Variants in EPHA5 observed in about 807,000 individuals in gnomAD.
The protein encoded by EPHA5 is ephrin type-A receptor 5.
Under a neutral mutation model 105.0 loss-of-function variants are expected in EPHA5, and 60 were observed. That is an observed-to-expected ratio of 0.57 (90% CI 0.46 to 0.71). EPHA5 has a LOEUF of 0.71. Ranked by LOEUF, EPHA5 falls within the 30% of genes least tolerant of loss-of-function variation. The pLI, the probability that EPHA5 is intolerant of heterozygous loss-of-function variation, is 0.00. For missense variants in EPHA5, 1,218 were observed against 1,274.7 expected, an observed-to-expected ratio of 0.96 and a Z score of 0.68; for synonymous variants, 513 against 449.1, an observed-to-expected ratio of 1.14 and a Z score of -1.80.
intron 5 of EPHA5, among the ~76,000 whole-genome samples, chr4:65,456,374 T>C (rs979446969): frequency 6.6e-6 from 1 of 152,144 alleles, no homozygotes; most frequent in African/African-American, 2.4e-5. Flanking sequence ...TAGTATAATC[T>C]GCCATATTCT....
At chr4:65,369,782 C>T (rs1577938624) in intron 8 of EPHA5, among the ~76,000 whole-genome samples, 1 of 152,140 alleles carries the variant, frequency 6.6e-6, no homozygotes, top group Non-Finnish European at 1.5e-5. Flanking sequence ...GCCTGGCCAA[C>T]ACAGTGAAAC....
chr4:65,613,148 A>G (rs956007306), intron 2 of EPHA5, among the ~76,000 whole-genome samples: 1 of 151,936 alleles, frequency 6.6e-6, no homozygotes, highest in Non-Finnish European at 1.5e-5. Flanking sequence ...ATCTCGGTAT[A>G]TGTTTTCATC....
rs138788749 is a variant in EPHA5 at position 65,622,049 on chromosome 4, G to A, written c.247-19745C>T. Among the ~76,000 whole-genome samples the A allele has an allele frequency of 2.4e-3, 361 of 152,166 alleles. 2 individuals are homozygous for A. The highest frequency in any genetic ancestry group is 8.1e-3 in the African/African-American group (336 of 41,548). On this transcript the variant is annotated intron_variant, in intron 2 of 16. Coordinates refer to ENST00000613740, the MANE Select transcript of EPHA5 (RefSeq NM_001281766.3). ...GTTTAAGTAGTATGATTAAAACTTC[G>A]AAGAGTATTTTAAGTTTAAAATTAT...
intron 2 of EPHA5, among the ~76,000 whole-genome samples, chr4:65,607,726 T>A (rs1744374065): frequency 6.6e-6 from 1 of 152,194 alleles, no homozygotes; most frequent in Non-Finnish European, 1.5e-5. Context: ...ACTTTTACAC[T>A]GTTGGTGGGA....
At chr4:65,448,098 A>C (rs1726728212) in intron 5 of EPHA5, among the ~76,000 whole-genome samples, 1 of 148,466 alleles carries the variant, frequency 6.7e-6, no homozygotes, top group African/African-American at 2.4e-5. Flanking sequence ...AAAATCATAA[A>C]GACAATAAAA....
chr4:65,411,473 C>G (rs774933387), intron 7 of EPHA5, among the ~76,000 whole-genome samples: 40 of 152,112 alleles, frequency 2.6e-4, no homozygotes, highest in South Asian at 1.7e-3. Flanking sequence ...TTGGAAAATT[C>G]TTTTTAAAAA....
intron 2 of EPHA5, among the ~76,000 whole-genome samples, chr4:65,622,402 T>TA (rs1745781630): frequency 6.6e-6 from 1 of 152,042 alleles, no homozygotes; most frequent in African/African-American, 2.4e-5. Flanking sequence ...GTTCAAGGCA[T>TA]AGGCAACATG....
At chr4:65,325,616 A>C (rs747487997) in intron 16 of EPHA5, among the ~76,000 whole-genome samples, 12 of 151,534 alleles carry the variant, frequency 7.9e-5, no homozygotes, top group Non-Finnish European at 1.5e-4. Context: ...CATGGAAGAC[A>C]ATCCTCAGGG....
intron 2 of EPHA5, among the ~76,000 whole-genome samples, chr4:65,613,727 C>A (rs1006575297): frequency 6.6e-6 from 1 of 151,964 alleles, no homozygotes; most frequent in Non-Finnish European, 1.5e-5. Context: ...TAATATCAAC[C>A]AAAAGCATAC....
chr4:65,578,702 T>C (rs1198331964), intron 3 of EPHA5, among the ~76,000 whole-genome samples: 3 of 152,300 alleles, frequency 2.0e-5, no homozygotes, highest in Non-Finnish European at 2.9e-5. Context: ...AAGGACACTT[T>C]AGAAAATATG....
intron 3 of EPHA5, among the ~76,000 whole-genome samples, chr4:65,506,738 A>G (rs1375855328): frequency 6.6e-6 from 1 of 151,720 alleles, no homozygotes; most frequent in African/African-American, 2.4e-5. Context: ...TTTCTTGTAA[A>G]TTTGTTTGAG....
intron 3 of EPHA5, among the ~76,000 whole-genome samples, chr4:65,519,359 G>T (rs961586170): frequency 5.3e-5 from 8 of 151,904 alleles, no homozygotes; most frequent in African/African-American, 1.9e-4. Context: ...AATAAATTAG[G>T]TATTGATAGG....
At chr4:65,527,093 C>T (rs183839063) in intron 3 of EPHA5, among the ~76,000 whole-genome samples, 1 of 151,960 alleles carries the variant, frequency 6.6e-6, no homozygotes, top group Non-Finnish European at 1.5e-5. Context: ...GTATATAGTG[C>T]TTAGGACAAA....
rs180823752 is a variant in EPHA5, at chr4:65,577,197, T to C, written c.910+24444A>G. Among the ~76,000 whole-genome samples the C allele has an allele frequency of 9.8e-5, 15 of 152,320 alleles. No individual in the cohort carries two copies. The East Asian group carries it at 2.7e-3, about 27-fold the overall frequency. ...ATTTAATTTGCTGCCACTATCATTT[T>C]TATTGATTTCTTTACGGGTGCACTT... On this transcript the variant is annotated intron_variant, in intron 3 of 16. Coordinates refer to ENST00000613740, the MANE Select transcript of EPHA5 (RefSeq NM_001281766.3).
intron 5 of EPHA5, among the ~76,000 whole-genome samples, chr4:65,472,872 T>C (rs1178002038): frequency 6.6e-6 from 1 of 152,246 alleles, no homozygotes; most frequent in Non-Finnish European, 1.5e-5. Flanking sequence ...GAGTTCCTTG[T>C]TACTATGCAA....
intron 5 of EPHA5, among the ~76,000 whole-genome samples, chr4:65,428,183 A>G (rs2149055526): frequency 1.3e-5 from 2 of 152,238 alleles, no homozygotes; most frequent in Middle Eastern, 6.8e-3. Flanking sequence ...CCTAAAGTAA[A>G]TGAGAATTGC....
intron 3 of EPHA5, 133 bp downstream of exon 3, chr4:65,601,508 A>C: frequency 1.1e-6 from 1 of 941,656 alleles, no homozygotes; most frequent in Non-Finnish European, 1.5e-6. Context: ...AAAGAGAAAA[A>C]TAAAACTTGA....
At chr4:65,396,977 C>A (rs890087236) in intron 8 of EPHA5, among the ~76,000 whole-genome samples, 2 of 152,194 alleles carry the variant, frequency 1.3e-5, no homozygotes, top group African/African-American at 4.8e-5. Context: ...AGCTGCCTTG[C>A]AGGCTCACAA....
chr4:65,519,401 A>G (rs553193711), intron 3 of EPHA5, among the ~76,000 whole-genome samples: 1 of 152,230 alleles, frequency 6.6e-6, no homozygotes, highest in South Asian at 2.1e-4. Context: ...GCTATCTATG[A>G]TAAACCCACA....
Sources: allele counts gnomAD v4.1 joint callset (sites outside exome capture counted in the v4.1 genomes callset), GRCh38; gene constraint gnomAD v4.1.1; transcripts MANE v1.5; gene names NCBI Gene and HGNC (gene_info 2026-07-23, HGNC 2026-07-21).